TVP23A: variants seen among roughly 807,000 people sequenced by gnomAD.
The protein encoded by TVP23A is trans-golgi network vesicle protein 23 homolog A, also known as Golgi apparatus membrane protein TVP23 homolog A.
In TVP23A, 21 loss-of-function variants were observed where a neutral mutation model predicts 31.7. The observed-to-expected ratio is 0.66, with a 90% CI of 0.47 to 0.95. The LOEUF is 0.95. Among genes scored for constraint, TVP23A ranks in the 40% least tolerant of loss-of-function variants. The probability of loss-of-function intolerance (pLI) is 0.00; values close to 1 mark genes in which losing one functional copy is unlikely to be tolerated. For synonymous variants in TVP23A, 104 were observed against 96.0 expected (o/e 1.08, Z -0.49); for missense variants, 279 against 255.6 (o/e 1.09, Z -0.62).
intron 2 of TVP23A, among the ~76,000 whole-genome samples, chr16:10,786,083 G>A (rs1006236867): frequency 3.3e-5 from 5 of 152,206 alleles, no homozygotes; most frequent in Non-Finnish European, 7.3e-5. Flanking sequence ...GTCTCCAAAG[G>A]AGGCAATCAG....
chr16:10,784,596 A>G (rs1006127304), intron 2 of TVP23A, among the ~76,000 whole-genome samples: 4 of 151,966 alleles, frequency 2.6e-5, no homozygotes, highest in African/African-American at 9.7e-5. Context: ...AAGAAAGAAA[A>G]AAAAACCTCA....
chr16:10,760,052 T>C (rs1172569991), downstream of TVP23A, among the ~76,000 whole-genome samples: 1 of 152,246 alleles, frequency 6.6e-6, no homozygotes, highest in Non-Finnish European at 1.5e-5. Context: ...CTGAGCGGTG[T>C]TTATACACAG....
chr16:10,803,671 C>A (rs2033814484), intron 2 of TVP23A, among the ~76,000 whole-genome samples: 1 of 152,104 alleles, frequency 6.6e-6, no homozygotes, highest in African/African-American at 2.4e-5. Flanking sequence ...CTTGTCCCAG[C>A]AGGGTATCCA....
intron 7 of TVP23A, 64 bp from the exon 8 acceptor site, chr16:10,769,165 C>T: frequency 1.3e-6 from 2 of 1,512,216 alleles, no homozygotes; most frequent in Non-Finnish European, 1.8e-6. Flanking sequence ...GGCAGCACAT[C>T]CAGCCAGACC....
intron 2 of TVP23A, among the ~76,000 whole-genome samples, chr16:10,784,126 G>C (rs1165560364): frequency 2.0e-5 from 3 of 152,070 alleles, no homozygotes; most frequent in Non-Finnish European, 2.9e-5. Context: ...TTGAGCCCAG[G>C]AGTTCAAGAC....
chr16:10,763,194 G>A (rs1268004493), downstream of TVP23A, among the ~76,000 whole-genome samples: 5 of 152,238 alleles, frequency 3.3e-5, no homozygotes, highest in Admixed American at 6.5e-5. Context: ...GGGGGCTCAG[G>A]TTGTCAGCAG....
At chr16:10,773,573 GT>G in intron 4 of TVP23A, 132 bp from the exon 5 acceptor site, 1 of 1,174,222 alleles carries the variant, frequency 8.5e-7, no homozygotes. Context: ...GTGTTGTTTT[GT>G]TTTGTTTTGT....
At position 10,770,537 on chromosome 16, in the gene TVP23A, C is replaced by CT. The variant is rs1294689051; in HGVS notation, c.583-207dup. 2.0e-5 allele frequency among the ~76,000 whole-genome samples: 3 copies of CT among 151,248 alleles called. No individual in the cohort carries two copies. In the East Asian group the frequency reaches 5.8e-4, roughly 29 times the overall value. ...CTGGTCAAATTTCAAAGACTTCTGT[C>CT]TCTCACTTTTAGAAATATCTATTAA... On this transcript the variant is annotated intron_variant, in intron 6 of 7. Transcript: ENST00000299866.
downstream of TVP23A, among the ~76,000 whole-genome samples, chr16:10,759,742 C>T (rs1198398495): frequency 2.6e-5 from 4 of 152,152 alleles, no homozygotes; most frequent in Non-Finnish European, 4.4e-5. The surrounding 1 kb of genome is among the most constrained non-coding windows in gnomAD (Gnocchi z 4.7). Context: ...CGCCACTGCA[C>T]TCCAGCCTGG....
chr16:10,762,111 T>A (rs1214350006), downstream of TVP23A: 1 of 370,112 alleles, frequency 2.7e-6, no homozygotes, highest in Non-Finnish European at 5.0e-6. Context: ...GGGGTAGAGG[T>A]TGGTGAGGGT....
intron 2 of TVP23A, among the ~76,000 whole-genome samples, chr16:10,807,296 AG>A (rs145464238): frequency 0.011 from 1,723 of 152,312 alleles, 38 homozygotes; most frequent in African/African-American, 0.039. Flanking sequence ...GTGCCCACCA[AG>A]GTGTCATCAA....
At chr16:10,797,116 G>A (rs1299561742) in intron 2 of TVP23A, among the ~76,000 whole-genome samples, 1 of 151,766 alleles carries the variant, frequency 6.6e-6, no homozygotes, top group Non-Finnish European at 1.5e-5. Flanking sequence ...TTGAGCAGGG[G>A]AGGTCGAGGC....
chr16:10,804,327 A>G (rs985120207), intron 2 of TVP23A, among the ~76,000 whole-genome samples: 1 of 152,216 alleles, frequency 6.6e-6, no homozygotes, highest in African/African-American at 2.4e-5. Flanking sequence ...GGGGGCTGCA[A>G]CCTCAGGTGC....
At chr16:10,815,503 C>T (rs2034398561) in intron 2 of TVP23A, among the ~76,000 whole-genome samples, 1 of 152,204 alleles carries the variant, frequency 6.6e-6, no homozygotes. Context: ...TGGTTTTCAA[C>T]CGGGGGCAAG....
intron 6 of TVP23A, 86 bp from the exon 7 acceptor site, chr16:10,770,417 A>G (rs2031495298): frequency 1.4e-6 from 2 of 1,430,944 alleles, no homozygotes; most frequent in South Asian, 2.6e-5. Context: ...GAAAACCCAC[A>G]AAGTACAGAA....
chr16:10,818,111 G>T lies in TVP23A; in HGVS notation c.81C>A (p.Ala27=). 1 of 1,608,034 alleles carries T rather than the reference G, an allele frequency of 6.2e-7. No individual in the cohort carries two copies. The highest frequency in any genetic ancestry group is 8.5e-7 in the Non-Finnish European group (1 of 1,177,460). ...GCTCCATCCCAACACACCTGATCTT[G>T]GCTTTCCTAAAGGCCAGCTCCTCCT... ...GNEEELAFRK[A]KIRHPLATFF... The change falls in exon 2 of 8, where the codon GCC becomes GCA. Residue 27 remains alanine, a synonymous_variant. Transcript: ENST00000299866. The surrounding 1 kb of genome is among the most constrained non-coding windows in gnomAD (Gnocchi z 4.7).
At chr16:10,816,882 A>T (rs990064388) in intron 2 of TVP23A, among the ~76,000 whole-genome samples, 5 of 151,120 alleles carry the variant, frequency 3.3e-5, no homozygotes, top group Admixed American at 1.3e-4. Flanking sequence ...ATAATAATAA[A>T]AAATAAATAA....
chr16:10,816,228 CA>C (rs760801777), intron 2 of TVP23A, among the ~76,000 whole-genome samples: 327 of 73,840 alleles, frequency 4.4e-3, no homozygotes, highest in Middle Eastern at 0.034. Flanking sequence ...AACCCTATCT[CA>C]AAAAAAAAAA....
chr16:10,777,078 G>A lies in TVP23A; in HGVS notation c.90-1982C>T, dbSNP rs145495557. Among the ~76,000 whole-genome samples, 1,345 of 152,162 alleles carry A rather than the reference G, an allele frequency of 8.8e-3. 17 individuals carry two copies. The highest frequency in any genetic ancestry group is 0.03 in the African/African-American group (1,233 of 41,510). ...ATGCAGCCCAGTAGGTCTCAGCCTC[G>A]TTTTACCCAGCCCCTATTCAAGATG... On this transcript the variant is annotated intron_variant, in intron 2 of 7. Transcript: ENST00000299866. This position sits in a 1 kb window ranked among gnomAD's most constrained non-coding sequence, Gnocchi z 4.5.
Sources: gnomAD v4.1 joint callset for allele counts (sites outside exome capture counted in the v4.1 genomes callset) on GRCh38, gnomAD v4.1.1 for gene constraint, Gnocchi (gnomAD v3.1) non-coding constraint, MANE v1.5 for transcripts, NCBI Gene and HGNC (gene_info 2026-07-23, HGNC 2026-07-21) for gene names.